Variants in EPS15 observed in about 807,000 individuals in gnomAD.
EPS15 encodes the protein epidermal growth factor receptor pathway substrate 15, also known as epidermal growth factor receptor substrate 15.
Under a neutral mutation model 113.8 loss-of-function variants are expected in EPS15, and 72 were observed. That is an observed-to-expected ratio of 0.63 (90% CI 0.52 to 0.77). The LOEUF (loss-of-function observed/expected upper bound fraction) is 0.77. Among genes scored for constraint, EPS15 ranks in the 30% least tolerant of loss-of-function variants. The probability of loss-of-function intolerance (pLI) is 0.00; values close to 1 mark genes in which losing one functional copy is unlikely to be tolerated. For missense variants in EPS15, 1,048 were observed against 1,045.8 expected (o/e 1.00, Z -0.03); for synonymous variants, 344 against 363.4 (o/e 0.95, Z 0.61).
At chr1:51,366,076 T>TC in intron 21 of EPS15, 47 bp from the exon 22 acceptor site, 1 of 1,421,792 alleles carries the variant, frequency 7.0e-7, no homozygotes, top group South Asian at 1.2e-5. Flanking sequence ...TAAGACATTT[T>TC]TTTTTTTTGA....
At chr1:51,511,281 G>A (rs1570458381) in intron 1 of EPS15, among the ~76,000 whole-genome samples, 1 of 152,054 alleles carries the variant, frequency 6.6e-6, no homozygotes, top group South Asian at 2.1e-4. Context: ...ATCACTTGAG[G>A]TCGGGAGATA....
At chr1:51,358,770 C>T (rs1486357445) in intron 24 of EPS15, among the ~76,000 whole-genome samples, 2 of 147,250 alleles carry the variant, frequency 1.4e-5, no homozygotes, top group Non-Finnish European at 3.0e-5. Context: ...GACAGTGGCA[C>T]TATATCAGCT....
chr1:51,389,531 C>T (rs923357156), intron 21 of EPS15, among the ~76,000 whole-genome samples: 7 of 152,192 alleles, frequency 4.6e-5, no homozygotes, highest in Admixed American at 1.3e-4. Flanking sequence ...ATCAAATTGT[C>T]CCTGTTTGCA....
chr1:51,377,919 G>A (rs1287791421), intron 21 of EPS15, among the ~76,000 whole-genome samples: 2 of 148,478 alleles, frequency 1.3e-5, no homozygotes, highest in Non-Finnish European at 3.0e-5. Context: ...TTTTGAGATG[G>A]AGTTTCACTC....
rs994251364 is a variant in EPS15, at chr1:51,457,943, G to A, written c.561+3148C>T. 5.9e-5 allele frequency: 9 copies of A among 152,036 alleles called. No individual in the cohort carries two copies. In the East Asian group the frequency reaches 7.7e-4, roughly 13 times the overall value. The allele number at this position is 152,036 out of a possible 1,614,324, so 9.4% of individuals were successfully genotyped here. On this transcript the variant is annotated intron_variant, in intron 8 of 24. Coordinates refer to ENST00000371733, the MANE Select transcript of EPS15 (RefSeq NM_001981.3). Reference sequence around the variant, plus strand: ...AGAAAATAAAAATGTAAAATAAATCGGTAAAGAAGGGAAAATCAAATCAAT... The same window carrying A: ...AGAAAATAAAAATGTAAAATAAATCAGTAAAGAAGGGAAAATCAAATCAAT...
intron 11 of EPS15, among the ~76,000 whole-genome samples, chr1:51,441,213 A>G (rs1652573796): frequency 6.6e-6 from 1 of 152,106 alleles, no homozygotes; most frequent in Non-Finnish European, 1.5e-5. Flanking sequence ...GTGATGTGAC[A>G]TCAGTCTACA....
chr1:51,486,921 C>T (rs1166071438), intron 1 of EPS15, among the ~76,000 whole-genome samples: 3 of 152,022 alleles, frequency 2.0e-5, no homozygotes, highest in Admixed American at 6.6e-5. Context: ...CCATCTGCCT[C>T]GGCCTCCGAA....
At chr1:51,391,587 A>G (rs1206342743) in intron 21 of EPS15, among the ~76,000 whole-genome samples, 1 of 152,232 alleles carries the variant, frequency 6.6e-6, no homozygotes, top group Admixed American at 6.5e-5. Context: ...AGGGCCAAAG[A>G]ACATGGGTCT....
chr1:51,392,861 C>T (rs756989107), intron 21 of EPS15, among the ~76,000 whole-genome samples: 14 of 152,292 alleles, frequency 9.2e-5, no homozygotes, highest in Middle Eastern at 3.4e-3. Context: ...CAATCATAAA[C>T]GTATTAACCT....
At chr1:51,384,060 T>A (rs1036649760) in intron 21 of EPS15, among the ~76,000 whole-genome samples, 1 of 152,158 alleles carries the variant, frequency 6.6e-6, no homozygotes, top group Non-Finnish European at 1.5e-5. Flanking sequence ...ATACAATACA[T>A]TCTGAAAGAA....
At chr1:51,483,402 T>A (rs1453626815) in intron 1 of EPS15, among the ~76,000 whole-genome samples, 3 of 106,462 alleles carry the variant, frequency 2.8e-5, no homozygotes, top group Non-Finnish European at 5.8e-5. Flanking sequence ...ACTGCAAGTG[T>A]GTGTGTGTGT....
At chr1:51,512,890 C>T (rs1644650312) in intron 1 of EPS15, among the ~76,000 whole-genome samples, 1 of 144,770 alleles carries the variant, frequency 6.9e-6, no homozygotes, top group Non-Finnish European at 1.5e-5. Flanking sequence ...AGCTCTGTCA[C>T]CTAGGCTGGA....
intron 21 of EPS15, among the ~76,000 whole-genome samples, chr1:51,385,069 A>C (rs943451052): frequency 7.2e-5 from 11 of 152,250 alleles, no homozygotes; most frequent in African/African-American, 2.2e-4. Context: ...GGCAACAACA[A>C]CACAATAGAT....
intron 21 of EPS15, chr1:51,373,172 A>C (rs1646703943): frequency 6.3e-6 from 1 of 158,626 alleles, no homozygotes; most frequent in African/African-American, 2.4e-5. Context: ...AAAGAGTAAG[A>C]TATAGATAAG....
chr1:51,372,814 G>A, intron 21 of EPS15: 1 of 476,536 alleles, frequency 2.1e-6, no homozygotes, highest in Non-Finnish European at 3.6e-6. Context: ...ACAGTGGACA[G>A]TCTTTACCAG....
chr1:51,498,000 T>A (rs1644354820), intron 1 of EPS15, among the ~76,000 whole-genome samples: 1 of 151,652 alleles, frequency 6.6e-6, no homozygotes, highest in Non-Finnish European at 1.5e-5. Flanking sequence ...AACTAGTGTG[T>A]ATTGTGAAGT....
At chr1:51,494,697 TCCAGGC>T in intron 1 of EPS15, among the ~76,000 whole-genome samples, 1 of 152,342 alleles carries the variant, frequency 6.6e-6, no homozygotes, top group East Asian at 1.9e-4. Flanking sequence ...AAGGATCTGT[TCCAGGC>T]CTCTCTCCTA....
intron 13 of EPS15, among the ~76,000 whole-genome samples, chr1:51,420,239 C>G (rs927804246): frequency 6.6e-6 from 1 of 152,234 alleles, no homozygotes; most frequent in East Asian, 1.9e-4. Flanking sequence ...AACAAAACTT[C>G]TATAATTATA....
At position 51,447,179 on chromosome 1, in the gene EPS15, A is replaced by G; in HGVS notation, c.652-74T>C. 8.3e-6 allele frequency: 11 copies of G among 1,321,006 alleles called. 1 individual carries two copies. The highest frequency in any genetic ancestry group is 1.4e-5 in the South Asian group (1 of 72,396). 81.8% of individuals were successfully genotyped at this position (1,321,006 alleles called of 1,614,324 possible). ...TGAAGTGTCACTCTTTCAATCCATT[A>G]CAATATCCATCACAAATTCTGAACA... On this transcript the variant is annotated intron_variant, in intron 9 of 24. Coordinates refer to ENST00000371733, the MANE Select transcript of EPS15 (RefSeq NM_001981.3).
Sources: allele counts gnomAD v4.1 joint callset (sites outside exome capture counted in the v4.1 genomes callset), GRCh38; gene constraint gnomAD v4.1.1; transcripts MANE v1.5; gene names NCBI Gene and HGNC (gene_info 2026-07-23, HGNC 2026-07-21).